PRSS35: variants seen among roughly 807,000 people sequenced by gnomAD.
The protein encoded by PRSS35 is inactive serine protease 35.
A neutral mutation model predicts 8.1 loss-of-function variants in PRSS35; 7 were observed. The ratio of observed to expected loss-of-function variants is 0.86; its 90% CI spans 0.49 to 1.62. The LOEUF (loss-of-function observed/expected upper bound fraction) is 1.62, where lower values mean the gene tolerates loss of function less well. Ranked by LOEUF, PRSS35 falls within the 40% of genes most tolerant of loss-of-function variation. The pLI is 0.00. For synonymous variants in PRSS35, 199 were observed against 188.7 expected (o/e 1.05, Z -0.45); for missense variants, 566 against 518.0 (o/e 1.09, Z -0.90).
intron 1 of PRSS35, among the ~76,000 whole-genome samples, chr6:83,515,897 C>G (rs978419975): frequency 1.3e-5 from 2 of 152,028 alleles, no homozygotes; most frequent in Admixed American, 6.6e-5. Flanking sequence ...CTCACTGCAA[C>G]CTCTGCCTCC....
rs760357576 is a variant in PRSS35, at chr6:83,525,093, A to G, written c.*410A>G. The G allele has an allele frequency of 1.4e-4, 25 of 181,142 alleles. No homozygotes were observed. The highest frequency in any genetic ancestry group is 8.5e-4 in the South Asian group (5 of 5,894). 11.2% of individuals were successfully genotyped at this position (181,142 alleles called of 1,614,324 possible). A position where few individuals can be genotyped will look rare whatever the true frequency, so the allele number is the denominator to read the frequency against. On this transcript the variant is annotated 3_prime_UTR_variant, in exon 2 of 2. Transcript: ENST00000369700. Reference sequence around the variant, plus strand: ...AATGTGAAATTGCATAGATAAAGGTAGATGGTAAAGCAATTAGTATCAGAA... The same window carrying G: ...AATGTGAAATTGCATAGATAAAGGTGGATGGTAAAGCAATTAGTATCAGAA...
chr6:83,523,834 C>CA lies in PRSS35; in HGVS notation c.394dup (p.Ser132LysfsTer24). ...AGGTGTATGGCACCGACAGCAGGTT[C>CA]AGCATCTTGGACAAAAGGTTCTTAA... On this transcript the variant is annotated frameshift_variant, in exon 2 of 2. Transcript: ENST00000369700. LOFTEE classifies it low-confidence loss of function (END_TRUNC). 6.2e-7 allele frequency: 1 copy of CA among 1,614,174 alleles called. No individual in the cohort carries two copies. The highest frequency in any genetic ancestry group is 8.5e-7 in the Non-Finnish European group (1 of 1,180,034).
intron 1 of PRSS35, among the ~76,000 whole-genome samples, chr6:83,515,414 T>C (rs1028358260): frequency 6.6e-6 from 1 of 152,238 alleles, no homozygotes; most frequent in Non-Finnish European, 1.5e-5. Context: ...AGTTTTAAAA[T>C]TGCATTTCTG....
rs761363640 is a variant in PRSS35 at position 83,524,069 on chromosome 6, G to A, written c.628G>A (p.Ala210Thr). The A allele has an allele frequency of 8.7e-6, 14 of 1,614,142 alleles. No homozygotes were observed. Among genetic ancestry groups the A allele is most frequent in the Middle Eastern group, 1.6e-4 (1 of 6,062 alleles). Residue 210 changes from alanine to threonine, a missense_variant, in exon 2 of 2, where the codon GCT (alanine) becomes ACT (threonine). Coordinates refer to ENST00000369700, the MANE Select transcript of PRSS35 (RefSeq NM_153362.3). Reference protein sequence around the residue: ...RRGSKRSRREASGGDQREGTR... With the variant: ...RRGSKRSRRETSGGDQREGTR... ...AGGTTCTAAGAGGAGCAGGAGAGAA[G>A]CTAGTGGTGGTGACCAAAGAGAGGG...
At chr6:83,521,549 GC>G (rs1487635110) in intron 1 of PRSS35, among the ~76,000 whole-genome samples, 1 of 126,136 alleles carries the variant, frequency 7.9e-6, no homozygotes, top group African/African-American at 3.0e-5. Context: ...TCACTTTGTT[GC>G]CCAGGCTGGA....
chr6:83,514,614 G>A (rs975978617), intron 1 of PRSS35, among the ~76,000 whole-genome samples: 13 of 152,188 alleles, frequency 8.5e-5, no homozygotes, highest in African/African-American at 3.1e-4. Context: ...AGAATCAGTG[G>A]AGAGCTTATC....
At chr6:83,513,924 T>C (rs188037561) in intron 1 of PRSS35, among the ~76,000 whole-genome samples, 2 of 152,210 alleles carry the variant, frequency 1.3e-5, no homozygotes, top group African/African-American at 2.4e-5. Flanking sequence ...AACAAGCATA[T>C]TGCATTTTAA....
intron 1 of PRSS35, among the ~76,000 whole-genome samples, chr6:83,522,262 T>A (rs1335526149): frequency 6.6e-6 from 1 of 152,078 alleles, no homozygotes; most frequent in Non-Finnish European, 1.5e-5. Flanking sequence ...ACTTGGAGCA[T>A]AGTTGGCAAA....
intron 1 of PRSS35, among the ~76,000 whole-genome samples, chr6:83,518,842 T>TTGG (rs1289013083): frequency 6.6e-6 from 1 of 152,230 alleles, no homozygotes; most frequent in Non-Finnish European, 1.5e-5. Flanking sequence ...GTGTATCATC[T>TTGG]CATTTAATCT....
At chr6:83,519,611 C>CAA (rs1473130338) in intron 1 of PRSS35, among the ~76,000 whole-genome samples, 1 of 152,190 alleles carries the variant, frequency 6.6e-6, no homozygotes, top group Non-Finnish European at 1.5e-5. Context: ...GACATTTTAC[C>CAA]ACAAGACAAA....
At position 83,523,420 on chromosome 6, in the gene PRSS35, A is replaced by T. The variant is rs1338451498; in HGVS notation, c.-20-2A>T. On this transcript the variant is annotated splice_acceptor_variant, in intron 1 of 1. Coordinates refer to ENST00000369700, the MANE Select transcript of PRSS35 (RefSeq NM_153362.3). LOFTEE classifies it low-confidence loss of function (5UTR_SPLICE). ...AAACCTCTCTCTTTTTCTATTTTTA[A>T]GGACAAAATTAGAAGATCAAAATGG... 1.9e-6 allele frequency: 3 copies of T among 1,581,332 alleles called. No individual in the cohort carries two copies. Among genetic ancestry groups the T allele is most frequent in the Admixed American group, 1.9e-5 (1 of 53,464 alleles).
chr6:83,524,340 A>G lies in PRSS35; in HGVS notation c.899A>G (p.Lys300Arg). 1 of 1,614,196 alleles carries G rather than the reference A, an allele frequency of 6.2e-7. No homozygotes were observed. Among genetic ancestry groups the G allele is most frequent in the Non-Finnish European group, 8.5e-7 (1 of 1,180,050 alleles). The stretch of plus-strand genomic sequence containing the variant: ...GAACTTGGAATCAGCCCAACGATCA[A>G]GAAAATGCCTGGTGGAATGATCCAC... The part of the protein sequence containing the change: ...YMELGISPTI[K>R]KMPGGMIHFS... Residue 300 changes from lysine (K) to arginine (R), a missense_variant, in exon 2 of 2, where the codon AAG (lysine) becomes AGG (arginine). By Grantham distance (26) the Lys-to-Arg change is conservative (BLOSUM62 2). Transcript: ENST00000369700.
rs200711692 is a variant in PRSS35 at position 83,524,048 on chromosome 6, T to C, written c.607T>C (p.Ser203Pro). 136 of 1,613,890 alleles carry C rather than the reference T, an allele frequency of 8.4e-5. 1 individual carries two copies. The Admixed American group carries it at 1.8e-3, about 21-fold the overall frequency. ...NKSGGKKRRG[S>P]KRSRREASGG... is the part of the protein sequence containing the mutation. ...AAGTGGAGGCAAGAAACGTCGAGGTTCTAAGAGGAGCAGGAGAGAAGCTAG... is the reference window on the plus strand; with the variant it reads ...AAGTGGAGGCAAGAAACGTCGAGGTCCTAAGAGGAGCAGGAGAGAAGCTAG... Residue 203 changes from serine (S) to proline (P), a missense_variant, in exon 2 of 2, where the codon TCT (serine) becomes CCT (proline). Coordinates refer to ENST00000369700, the MANE Select transcript of PRSS35 (RefSeq NM_153362.3).
chr6:83,523,676 G>T lies in PRSS35; in HGVS notation c.235G>T (p.Glu79Ter). ...ELPTPSLSEL[E>*]DYLSYETVFE... ...CCCAACTCCCAGCCTTTCTGAATTG[G>T]AGGATTATCTTTCCTATGAGACTGT... Residue 79 changes from glutamate (E) to a stop codon, truncating the protein, a stop_gained, in exon 2 of 2, where the codon GAG (glutamate) becomes TAG (stop). Transcript: ENST00000369700. LOFTEE classifies it low-confidence loss of function (END_TRUNC). 6.2e-7 allele frequency: 1 copy of T among 1,614,200 alleles called. No individual in the cohort carries two copies. Among genetic ancestry groups the T allele is most frequent in the Non-Finnish European group, 8.5e-7 (1 of 1,180,038 alleles).
intron 1 of PRSS35, among the ~76,000 whole-genome samples, chr6:83,518,867 TG>T (rs1771770731): frequency 6.6e-6 from 1 of 152,224 alleles, no homozygotes; most frequent in Non-Finnish European, 1.5e-5. Context: ...AACAATGTTA[TG>T]AAGTCGAAAT....
chr6:83,523,829 A>G lies in PRSS35; in HGVS notation c.388A>G (p.Arg130Gly), dbSNP rs1303628797. Residue 130 changes from arginine to glycine, a missense_variant, in exon 2 of 2, where the codon AGG becomes GGG. Arg to Gly is a moderately radical substitution (Grantham distance 125). Coordinates refer to ENST00000369700, the MANE Select transcript of PRSS35 (RefSeq NM_153362.3). Reference protein sequence around the residue: ...RKRQVYGTDSRFSILDKRFLT... With the variant: ...RKRQVYGTDSGFSILDKRFLT... ...GAGACAGGTGTATGGCACCGACAGCAGGTTCAGCATCTTGGACAAAAGGTT... is the reference window on the plus strand; with the variant it reads ...GAGACAGGTGTATGGCACCGACAGCGGGTTCAGCATCTTGGACAAAAGGTT... The G allele has an allele frequency of 6.2e-7, 1 of 1,614,248 alleles. No homozygotes were observed.
In PRSS35 at chr6:83,524,166, T is replaced by C; in HGVS notation, c.725T>C (p.Ile242Thr). Reference sequence around the variant, plus strand: ...AAAAAATCTGGCCGGGGTCAGAGGATTGCCGAAGGGAGGCCTTCCTTTCAG... The same window carrying C: ...AAAAAATCTGGCCGGGGTCAGAGGACTGCCGAAGGGAGGCCTTCCTTTCAG... ...RRKKSGRGQR[I>T]AEGRPSFQWT... The change falls in exon 2 of 2, where the codon ATT (isoleucine) becomes ACT (threonine). Residue 242 changes from isoleucine to threonine, a missense_variant. Physicochemically the swap from Ile to Thr is moderately conservative, Grantham distance 89. Transcript: ENST00000369700. The C allele has an allele frequency of 6.2e-7, 1 of 1,614,040 alleles. No individual in the cohort carries two copies. Among genetic ancestry groups the C allele is most frequent in the Non-Finnish European group, 8.5e-7 (1 of 1,180,016 alleles).
rs777639321 is a variant in PRSS35, at chr6:83,523,861, C to T, written c.420C>T (p.Thr140=). 13 of 1,614,086 alleles carry T rather than the reference C, an allele frequency of 8.1e-6. No homozygotes were observed. The East Asian group carries it at 1.6e-4, about 19-fold the overall frequency. Residue 140 remains threonine (T), a synonymous_variant, in exon 2 of 2, where the codon ACC becomes ACT. Coordinates refer to ENST00000369700, the MANE Select transcript of PRSS35 (RefSeq NM_153362.3). ...RFSILDKRFL[T]NFPFSTAVKL... Reference sequence around the variant, plus strand: ...GCATCTTGGACAAAAGGTTCTTAACCAATTTCCCTTTCAGCACAGCTGTGA... The same window carrying T: ...GCATCTTGGACAAAAGGTTCTTAACTAATTTCCCTTTCAGCACAGCTGTGA...
rs1284069237 is a variant in PRSS35 at position 83,512,538 on chromosome 6, T to A, written c.-177T>A. 1.3e-5 allele frequency: 2 copies of A among 151,184 alleles called. No homozygotes were observed. The highest frequency in any genetic ancestry group is 2.4e-5 in the African/African-American group (1 of 41,008). The allele number at this position is 151,184 out of a possible 1,614,324, so 9.4% of individuals were successfully genotyped here. ...GGCGCAGCTCTCTCCCCCTCCGCAG[T>A]CTCAGTGGCGAGCTCTGGGTGCTGT... On this transcript the variant is annotated 5_prime_UTR_variant, in exon 1 of 2. Coordinates refer to ENST00000369700, the MANE Select transcript of PRSS35 (RefSeq NM_153362.3).
Sources: gnomAD v4.1 joint callset for allele counts (sites outside exome capture counted in the v4.1 genomes callset) on GRCh38, gnomAD v4.1.1 for gene constraint, MANE v1.5 for transcripts, NCBI Gene and HGNC (gene_info 2026-07-23, HGNC 2026-07-21) for gene names.